Variants in EML6 observed in about 807,000 individuals in gnomAD.
The protein encoded by EML6 is EMAP like 6, also known as echinoderm microtubule-associated protein-like 6.
A neutral mutation model predicts 240.1 loss-of-function variants in EML6; 154 were observed. That is an observed-to-expected ratio of 0.64 (90% confidence interval 0.56 to 0.73). EML6 has a LOEUF of 0.73. Ranked by LOEUF, EML6 falls within the 30% of genes least tolerant of loss-of-function variation. The pLI, the probability that EML6 is intolerant of heterozygous loss-of-function variation, is 0.00. For synonymous variants in EML6, 1,148 were observed against 899.0 expected, an observed-to-expected ratio of 1.28 and a Z score of -4.95; for missense variants, 2,964 against 2,474.6, an observed-to-expected ratio of 1.20 and a Z score of -4.20.
chr2:54,819,334 C>G (rs757304093), intron 4 of EML6, among the ~76,000 whole-genome samples: 1 of 152,070 alleles, frequency 6.6e-6, no homozygotes, highest in Non-Finnish European at 1.5e-5. Flanking sequence ...AATTCCAGAC[C>G]CACTAAATGA....
intron 2 of EML6, among the ~76,000 whole-genome samples, chr2:54,769,591 C>T (rs1157161907): frequency 6.6e-6 from 1 of 152,104 alleles, no homozygotes; most frequent in Non-Finnish European, 1.5e-5. Context: ...GTGTTATTGA[C>T]ATTCAAAAAG....
chr2:54,857,908 A>T (rs1405274137), intron 11 of EML6, among the ~76,000 whole-genome samples: 1 of 152,248 alleles, frequency 6.6e-6, no homozygotes, highest in Non-Finnish European at 1.5e-5. Flanking sequence ...TATTAATGAC[A>T]TTAATGCTTT....
In EML6 at chr2:54,921,785, T is replaced by C. The variant is rs185365179; in HGVS notation, c.3675+4850T>C. ...CAGAAATATATCCATATATATTATA[T>C]AGTCCATCTTTGACAAGGATACCAA... On this transcript the variant is annotated intron_variant, in intron 26 of 41. Coordinates refer to ENST00000356458, the MANE Select transcript of EML6 (RefSeq NM_001039753.4). 2.4e-3 allele frequency among the ~76,000 whole-genome samples: 367 copies of C among 152,280 alleles called. 1 individual carries two copies. Among genetic ancestry groups the C allele is most frequent in the South Asian group, 6.4e-3 (31 of 4,832 alleles).
At chr2:54,784,031 C>T (rs960426801) in intron 2 of EML6, among the ~76,000 whole-genome samples, 4 of 152,066 alleles carry the variant, frequency 2.6e-5, no homozygotes, top group African/African-American at 4.8e-5. Context: ...ATGGTAGCCT[C>T]GAAATCCAGG....
In EML6 at chr2:54,928,326, G is replaced by C; in HGVS notation, c.3689G>C (p.Arg1230Thr). The C allele has an allele frequency of 1.9e-6, 3 of 1,552,044 alleles. No individual in the cohort carries two copies. The highest frequency in any genetic ancestry group is 1.7e-6 in the Non-Finnish European group (2 of 1,147,056). Residue 1230 changes from arginine to threonine, a missense_variant, in exon 27 of 42, where the codon AGA becomes ACA. Arg to Thr is a moderately conservative substitution (Grantham distance 71). Transcript: ENST00000356458. ...CGGGCTTTACAGGGACAGCACGCAA[G>C]ATTCAAGAAGTATGTGGGGCACAGT... Reference protein sequence around the residue: ...FSYPVKGQHARFKKYVGHSAH... With the variant: ...FSYPVKGQHATFKKYVGHSAH...
intron 28 of EML6, among the ~76,000 whole-genome samples, chr2:54,932,758 GT>G (rs1263204613): frequency 6.6e-6 from 1 of 152,184 alleles, no homozygotes; most frequent in African/African-American, 2.4e-5. Flanking sequence ...GGTAAAAACA[GT>G]TTTCCCCAAT....
At chr2:54,783,041 T>G (rs1668919625) in intron 2 of EML6, among the ~76,000 whole-genome samples, 1 of 152,230 alleles carries the variant, frequency 6.6e-6, no homozygotes, top group East Asian at 1.9e-4. Flanking sequence ...GCTCTGTCCT[T>G]GTGGAATATT....
Position 54,970,270 on chromosome 2 carries a change from C to A in EML6, c.*175C>A, listed in dbSNP as rs895576358. 37 of 656,980 alleles carry A rather than the reference C, an allele frequency of 5.6e-5. 1 individual carries two copies. In the South Asian group the frequency reaches 6.3e-4, roughly 11 times the overall value. 40.7% of individuals were successfully genotyped at this position (656,980 alleles called of 1,614,324 possible). A position where few individuals can be genotyped will look rare whatever the true frequency, so the allele number is the denominator to read the frequency against. ...CAACTGCTCCCATAATCTGGACTCT[C>A]CAAAACCGTGATGCCACGAAGGAAG... On this transcript the variant is annotated 3_prime_UTR_variant, in exon 42 of 42. Coordinates refer to ENST00000356458, the MANE Select transcript of EML6 (RefSeq NM_001039753.4).
At chr2:54,837,701 G>A (rs1461023737) in intron 7 of EML6, among the ~76,000 whole-genome samples, 2 of 152,228 alleles carry the variant, frequency 1.3e-5, no homozygotes, top group Admixed American at 1.3e-4. Flanking sequence ...AATCTGACAT[G>A]CAAGAACACA....
intron 12 of EML6, 46 bp downstream of exon 12, chr2:54,859,747 G>C (rs1000126887): frequency 1.4e-6 from 2 of 1,464,818 alleles, no homozygotes; most frequent in South Asian, 2.7e-5. Context: ...TTTTCAATAG[G>C]CATTTCAAAG....
chr2:54,865,575 C>A (rs77632642), intron 13 of EML6, among the ~76,000 whole-genome samples: 1,962 of 152,284 alleles, frequency 0.013, 30 homozygotes, highest in African/African-American at 0.045. Flanking sequence ...TCCAAAACTT[C>A]GTAAGTACTG....
At position 54,892,570 on chromosome 2, in the gene EML6, G is replaced by A. The variant is rs1352455512; in HGVS notation, c.2656G>A (p.Asp886Asn). ...DLVFSGAATGDIFIWKDILLL... is the reference protein window; with the variant it reads ...DLVFSGAATGNIFIWKDILLL... ...AGTGTTCTCAGGAGCAGCTACTGGA[G>A]ATATTTTTATTTGGAAAGACATTCT... Residue 886 changes from aspartate to asparagine, a missense_variant, in exon 19 of 42, where the codon GAT becomes AAT. Physicochemically the swap from Asp to Asn is conservative, Grantham distance 23 (BLOSUM62 1). Coordinates refer to ENST00000356458, the MANE Select transcript of EML6 (RefSeq NM_001039753.4). 4 of 1,551,612 alleles carry A rather than the reference G, an allele frequency of 2.6e-6. No homozygotes were observed. In the South Asian group the frequency reaches 3.6e-5, roughly 14 times the overall value.
At chr2:54,916,065 T>C (rs1673893602) in intron 25 of EML6, among the ~76,000 whole-genome samples, 1 of 152,338 alleles carries the variant, frequency 6.6e-6, no homozygotes, top group Admixed American at 6.5e-5. Context: ...GGATAAAAGA[T>C]TCATGGCAAT....
intron 17 of EML6, among the ~76,000 whole-genome samples, chr2:54,886,805 T>TATC (rs1387692537): frequency 6.6e-6 from 1 of 152,246 alleles, no homozygotes; most frequent in Non-Finnish European, 1.5e-5. Flanking sequence ...ATAGGTCCCT[T>TATC]ATCAGATATA....
chr2:54,740,401 G>C (rs2103643852), intron 2 of EML6, among the ~76,000 whole-genome samples: 1 of 151,954 alleles, frequency 6.6e-6, no homozygotes, highest in African/African-American at 2.4e-5. Context: ...ATGCTCAGCA[G>C]ACTCAGCAGA....
intron 15 of EML6, 31 bp downstream of exon 15, chr2:54,869,398 C>G: frequency 2.8e-6 from 4 of 1,439,822 alleles, no homozygotes; most frequent in Non-Finnish European, 3.7e-6. Flanking sequence ...AGGGCCTAGC[C>G]AAAAAGAGAA....
At position 54,884,351 on chromosome 2, in the gene EML6, C is replaced by T. The variant is rs75630738; in HGVS notation, c.2438+4711C>T. Among the ~76,000 whole-genome samples, 730 of 152,308 alleles carry T rather than the reference C, an allele frequency of 4.8e-3. 6 individuals carry two copies. The highest frequency in any genetic ancestry group is 0.031 in the Middle Eastern group (9 of 294). ...CCTTGTGTTCAGCTCTCTAGAAGTT[C>T]TCCAAACCCTGTGCTTTGGAGTTTT... On this transcript the variant is annotated intron_variant, in intron 17 of 41. Coordinates refer to ENST00000356458, the MANE Select transcript of EML6 (RefSeq NM_001039753.4).
At chr2:54,919,252 C>T (rs992258955) in intron 26 of EML6, among the ~76,000 whole-genome samples, 45 of 146,480 alleles carry the variant, frequency 3.1e-4, no homozygotes, top group Non-Finnish European at 3.9e-4. Context: ...TCCCCCCCCC[C>T]CCAATCCTTT....
At chr2:54,857,528 A>C (rs1200155175) in intron 11 of EML6, among the ~76,000 whole-genome samples, 1 of 152,220 alleles carries the variant, frequency 6.6e-6, no homozygotes, top group African/African-American at 2.4e-5. Context: ...CTTTTGTTCT[A>C]CTGAAGGTCC....
Sources: gnomAD v4.1 joint callset for allele counts (sites outside exome capture counted in the v4.1 genomes callset) on GRCh38, gnomAD v4.1.1 for gene constraint, MANE v1.5 for transcripts, NCBI Gene and HGNC (gene_info 2026-07-23, HGNC 2026-07-21) for gene names.